The following IL1RAPL1 variants were observed in gnomAD, a reference collection of about 807,000 sequenced individuals.
IL1RAPL1 encodes the protein interleukin-1 receptor accessory protein-like 1.
In IL1RAPL1, 3 loss-of-function variants were observed where a neutral mutation model predicts 48.4. The observed-to-expected ratio is 0.06, with a 90% CI of 0.03 to 0.16. The LOEUF (loss-of-function observed/expected upper bound fraction) is 0.16. Ranked by LOEUF, IL1RAPL1 falls within the 10% of genes least tolerant of loss-of-function variation. The pLI, the probability that IL1RAPL1 is intolerant of heterozygous loss-of-function variation, is 1.00. For synonymous variants in IL1RAPL1, 185 were observed against 187.7 expected, an observed-to-expected ratio of 0.99 and a Z score of 0.12; for missense variants, 349 against 530.6, an observed-to-expected ratio of 0.66 and a Z score of 3.36.
At chrX:29,223,051 C>G (rs983815481) in intron 2 of IL1RAPL1, among the ~76,000 whole-genome samples, 22 of 111,244 alleles carry the variant, frequency 2.0e-4, no homozygotes, top group African/African-American at 6.9e-4. Flanking sequence ...TGTCTCTACT[C>G]AGACACCTGC....
intron 2 of IL1RAPL1, among the ~76,000 whole-genome samples, chrX:29,054,350 C>T (rs1451169235): frequency 9.0e-6 from 1 of 111,569 alleles, no homozygotes; most frequent in Non-Finnish European, 1.9e-5. Context: ...TATTCAGTCT[C>T]ATCAGAGAGG....
rs745670254 is a variant in IL1RAPL1 at position 29,291,712 on chromosome X, A to G, written c.362+8495A>G. 2.7e-5 allele frequency among the ~76,000 whole-genome samples: 3 copies of G among 112,103 alleles called. No homozygotes were observed. In the Admixed American group the frequency reaches 2.8e-4, roughly 11 times the overall value. On this transcript the variant is annotated intron_variant, in intron 3 of 10. Coordinates refer to ENST00000378993, the MANE Select transcript of IL1RAPL1 (RefSeq NM_014271.4). ...GGTCCATGCTCTTCCTTTCTATATA[A>G]AATTAATGGCCCAGGCCTCTTTGCA...
rs187579169 is a variant in IL1RAPL1 at position 29,355,728 on chromosome X, T to C, written c.363-40530T>C. 4.5e-5 allele frequency among the ~76,000 whole-genome samples: 5 copies of C among 112,280 alleles called. 1 individual carries two copies. In the East Asian group the frequency reaches 1.1e-3, roughly 25 times the overall value. On this transcript the variant is annotated intron_variant, in intron 3 of 10. Transcript: ENST00000378993. ...GGAAAAAGACCGTATCTGTGAGTTA[T>C]AAATAATTTTTGTATTAAAAGGGAA...
At chrX:29,092,100 A>C (rs1339197040) in intron 2 of IL1RAPL1, among the ~76,000 whole-genome samples, 1 of 111,350 alleles carries the variant, frequency 9.0e-6, no homozygotes. Flanking sequence ...TCTCATTTTC[A>C]TCAATTTGAT....
chrX:29,929,183 C>A (rs1932917728), intron 8 of IL1RAPL1, among the ~76,000 whole-genome samples: 1 of 110,760 alleles, frequency 9.0e-6, no homozygotes, highest in South Asian at 3.8e-4. Context: ...TTTTTAAAAC[C>A]ACCTCAAAAT....
chrX:29,212,136 G>A (rs929868379), intron 2 of IL1RAPL1, among the ~76,000 whole-genome samples: 1 of 111,297 alleles, frequency 9.0e-6, no homozygotes, highest in African/African-American at 3.3e-5. Flanking sequence ...ATCTGTGTTT[G>A]CTCAGGCTAA....
Position 28,846,394 on chromosome X carries a change from C to T in IL1RAPL1, c.82+56969C>T, listed in dbSNP as rs1174101203. ...TAAAGGTGCTATAAATATTCACGGG[C>T]GGGTTTTTATGTCAAAATACAGTTC... On this transcript the variant is annotated intron_variant, in intron 2 of 10. Coordinates refer to ENST00000378993, the MANE Select transcript of IL1RAPL1 (RefSeq NM_014271.4). 4.5e-5 allele frequency among the ~76,000 whole-genome samples: 5 copies of T among 111,623 alleles called. No individual in the cohort carries two copies. In the East Asian group the frequency reaches 8.5e-4, roughly 19 times the overall value.
At chrX:28,764,893 G>A (rs757518514) in intron 1 of IL1RAPL1, among the ~76,000 whole-genome samples, 18 of 110,063 alleles carry the variant, frequency 1.6e-4, no homozygotes, top group African/African-American at 5.3e-4. Flanking sequence ...GCAAAGACTC[G>A]GAACCAACCC....
chrX:29,629,281 C>A lies in IL1RAPL1; in HGVS notation c.704-39149C>A, dbSNP rs185573593. Among the ~76,000 whole-genome samples the A allele has an allele frequency of 7.5e-3, 836 of 111,240 alleles. 10 individuals carry two copies. Among genetic ancestry groups the A allele is most frequent in the African/African-American group, 0.026 (795 of 30,676 alleles). ...TGTCAAAGGCAGAGAAAAAAATCTA[C>A]AGTATCAACACTGAATATACAAAGT... On this transcript the variant is annotated intron_variant, in intron 5 of 10. Transcript: ENST00000378993.
chrX:28,876,014 C>G (rs1380680451), intron 2 of IL1RAPL1, among the ~76,000 whole-genome samples: 1 of 111,897 alleles, frequency 8.9e-6, no homozygotes, highest in Non-Finnish European at 1.9e-5. Context: ...GTCTGCTCCC[C>G]TTTGCCATCT....
At chrX:29,745,446 T>G (rs1389348992) in intron 6 of IL1RAPL1, among the ~76,000 whole-genome samples, 1 of 83,757 alleles carries the variant, frequency 1.2e-5, no homozygotes, top group Non-Finnish European at 2.3e-5. Context: ...TTTTTTTTTT[T>G]TTTTTTTTTT....
chrX:29,252,127 AG>A (rs1425446148), intron 2 of IL1RAPL1, among the ~76,000 whole-genome samples: 70 of 96,076 alleles, frequency 7.3e-4, no homozygotes, highest in African/African-American at 2.4e-3. Flanking sequence ...GGGTAAGGGG[AG>A]GGGGGAGGGA....
rs772062842 is a variant in IL1RAPL1, at chrX:29,155,184, A to T, written c.83-127754A>T. ...CACCACATGCCACCACGCCTGGCTA[A>T]TTTTTTTAGTGGAGACGGGGTTTCA... On this transcript the variant is annotated intron_variant, in intron 2 of 10. Coordinates refer to ENST00000378993, the MANE Select transcript of IL1RAPL1 (RefSeq NM_014271.4). Among the ~76,000 whole-genome samples, 4 of 109,624 alleles carry T rather than the reference A, an allele frequency of 3.6e-5. No homozygotes were observed. The East Asian group carries it at 8.7e-4, about 24-fold the overall frequency.
intron 3 of IL1RAPL1, among the ~76,000 whole-genome samples, chrX:29,300,555 T>G (rs1199212716): frequency 8.9e-6 from 1 of 112,020 alleles, no homozygotes; most frequent in Non-Finnish European, 1.9e-5. Flanking sequence ...GCCTTCCAGA[T>G]TCCTCTGCTG....
intron 2 of IL1RAPL1, among the ~76,000 whole-genome samples, chrX:29,070,917 C>G (rs980232575): frequency 6.3e-4 from 70 of 110,578 alleles, no homozygotes; most frequent in African/African-American, 2.3e-3. Flanking sequence ...AACCATATTG[C>G]ACAAAAAACA....
chrX:29,895,459 G>A (rs1258951326), intron 6 of IL1RAPL1, among the ~76,000 whole-genome samples: 5 of 112,200 alleles, frequency 4.5e-5, no homozygotes, highest in African/African-American at 1.6e-4. Flanking sequence ...GGCTGAGGCA[G>A]GAGAATTGCT....
At chrX:29,156,705 T>C (rs1326684112) in intron 2 of IL1RAPL1, among the ~76,000 whole-genome samples, 1 of 111,892 alleles carries the variant, frequency 8.9e-6, no homozygotes, top group East Asian at 2.8e-4. Flanking sequence ...TGCAAAGATA[T>C]GACATCCAGA....
chrX:29,947,712 C>G (rs1361093474), intron 9 of IL1RAPL1, among the ~76,000 whole-genome samples: 1 of 101,595 alleles, frequency 9.8e-6, no homozygotes, highest in Non-Finnish European at 2.0e-5. Context: ...CATAGTACCT[C>G]TGCAAATCAT....
chrX:28,606,972 T>C (rs187728510), intron 1 of IL1RAPL1, among the ~76,000 whole-genome samples: 8 of 111,415 alleles, frequency 7.2e-5, no homozygotes, highest in Admixed American at 6.8e-4. Flanking sequence ...CAATAGAAAA[T>C]AAATACTTTC....
Sources: gnomAD v4.1 joint callset for allele counts (sites outside exome capture counted in the v4.1 genomes callset) on GRCh38, gnomAD v4.1.1 for gene constraint, MANE v1.5 for transcripts, NCBI Gene and HGNC (gene_info 2026-07-23, HGNC 2026-07-21) for gene names.